Variants in ODAD4 observed in about 807,000 individuals in gnomAD.
The protein encoded by ODAD4 is outer dynein arm-docking complex subunit 4.
ODAD4 carries 49 observed loss-of-function variants against 51.8 expected under a neutral mutation model. That is an observed-to-expected ratio of 0.95 (90% confidence interval 0.75 to 1.20). ODAD4 has a LOEUF of 1.20. Among genes scored for constraint, ODAD4 ranks in the 50% most tolerant of loss-of-function variants. The probability of loss-of-function intolerance (pLI) is 0.00; values close to 1 mark genes in which losing one functional copy is unlikely to be tolerated. For missense variants in ODAD4, 590 were observed against 586.5 expected (o/e 1.01, Z -0.06); for synonymous variants, 235 against 221.3 (o/e 1.06, Z -0.55).
chr17:41,940,255 C>T (rs1462797012), intron 7 of ODAD4, among the ~76,000 whole-genome samples: 1 of 152,168 alleles, frequency 6.6e-6, no homozygotes, highest in African/African-American at 2.4e-5. Flanking sequence ...CTCTCCAGCT[C>T]CTCCCACAAA....
At position 41,965,012 on chromosome 17, in the gene ODAD4, T is replaced by C. The variant is rs1555642318; in HGVS notation, c.1548T>C (p.Asp516=). The C allele has an allele frequency of 2.8e-6, 2 of 713,432 alleles. No homozygotes were observed. The highest frequency in any genetic ancestry group is 2.7e-5 in the East Asian group (1 of 37,510). 44.2% of individuals were successfully genotyped at this position (713,432 alleles called of 1,614,324 possible). ...KSEGEASLYE[D]RIITREKDMR... ...TTTCAGAAGCTTCACTGTATGAAGA[T>C]AGAATAATAACAAGAGAGAAGGACA... Residue 516 remains aspartate (D), a synonymous_variant, in exon 12 of 12, where the codon GAT becomes GAC. Coordinates refer to ENST00000377540, the MANE Select transcript of ODAD4 (RefSeq NM_031421.5).
chr17:41,935,143 T>G, intron 1 of ODAD4, 74 bp from the exon 2 acceptor site: 1 of 1,581,844 alleles, frequency 6.3e-7, no homozygotes, highest in Non-Finnish European at 8.6e-7. Flanking sequence ...CAGGAGGGTT[T>G]GGGCTGCCCT....
chr17:41,952,645 G>A (rs1555640354), intron 9 of ODAD4: 2 of 513,016 alleles, frequency 3.9e-6, no homozygotes, highest in Non-Finnish European at 7.8e-6. Flanking sequence ...GACCTTTAAT[G>A]TCAGAGTCCC....
chr17:41,936,811 C>T lies in ODAD4; in HGVS notation c.509C>T (p.Pro170Leu), dbSNP rs782169506. Reference sequence around the variant, plus strand: ...CAGCCCATGAAACACCTCTTACACCCCACCAAGGGAGAGCCCAAGTGGAAG... The same window carrying T: ...CAGCCCATGAAACACCTCTTACACCTCACCAAGGGAGAGCCCAAGTGGAAG... ...KPQPMKHLLH[P>L]TKGEPKWKAS... The change falls in exon 5 of 12, where the codon CCC becomes CTC. Residue 170 changes from proline (P) to leucine (L), a missense_variant. Pro to Leu is a moderately conservative substitution (Grantham distance 98). Around this residue, in one of 3 missense-constraint regions of ODAD4, gnomAD observed 360 missense variants for 407.5 expected, o/e 0.88. Transcript: ENST00000377540. The T allele has an allele frequency of 6.2e-7, 1 of 1,613,952 alleles. No individual in the cohort carries two copies. The highest frequency in any genetic ancestry group is 8.5e-7 in the Non-Finnish European group (1 of 1,179,880).
In ODAD4 at chr17:41,932,309, T is replaced by TC. The variant is rs376820757; in HGVS notation, c.114+1480dup. Among the ~76,000 whole-genome samples, 664 of 150,816 alleles carry TC rather than the reference T, an allele frequency of 4.4e-3. 3 individuals are homozygous for TC. Among genetic ancestry groups the TC allele is most frequent in the African/African-American group, 0.01 (420 of 41,052 alleles). ...ATCTCGAACTCCCCACCTCAGGTGA[T>TC]CCCCCCCCACCTCAGCCTCCCAAAG... On this transcript the variant is annotated intron_variant, in intron 1 of 11. Coordinates refer to ENST00000377540, the MANE Select transcript of ODAD4 (RefSeq NM_031421.5).
At chr17:41,956,051 T>TA (rs1213691025) in intron 10 of ODAD4, among the ~76,000 whole-genome samples, 1 of 148,670 alleles carries the variant, frequency 6.7e-6, no homozygotes, top group Non-Finnish European at 1.5e-5. Flanking sequence ...ACTTAGCTTT[T>TA]TTTTTTTTTT....
chr17:41,944,444 ACCCCCC>A (rs10578034), intron 7 of ODAD4, among the ~76,000 whole-genome samples: 6 of 19,498 alleles, frequency 3.1e-4, no homozygotes, highest in African/African-American at 5.5e-4. Flanking sequence ...ACACACACAC[ACCCCCC>A]CGCATACACA....
chr17:41,957,375 C>A (rs1195216152), intron 10 of ODAD4, among the ~76,000 whole-genome samples: 1 of 152,102 alleles, frequency 6.6e-6, no homozygotes, highest in South Asian at 2.1e-4. Context: ...CCTCACGTGC[C>A]GTTCACAATC....
chr17:41,949,968 C>G (rs2050632309), intron 9 of ODAD4, among the ~76,000 whole-genome samples: 1 of 151,902 alleles, frequency 6.6e-6, no homozygotes, highest in African/African-American at 2.4e-5. Flanking sequence ...GCCACCATGC[C>G]CGGCCCTGTT....
Position 41,953,024 on chromosome 17 carries a change from G to A in ODAD4, c.1343-2193G>A, listed in dbSNP as rs192751485. Among the ~76,000 whole-genome samples the A allele has an allele frequency of 7.8e-4, 118 of 152,090 alleles. 1 individual carries two copies. The highest frequency in any genetic ancestry group is 2.7e-3 in the African/African-American group (113 of 41,530). ...AATGCTGGGATTACAGGCATGAGCC[G>A]CTGTGTCTAGCCAAGTGTAATGGCG... On this transcript the variant is annotated intron_variant, in intron 9 of 11. Transcript: ENST00000377540.
At chr17:41,938,470 C>A in intron 5 of ODAD4, 87 bp from the exon 6 acceptor site, 2 of 1,067,364 alleles carry the variant, frequency 1.9e-6, no homozygotes, top group Non-Finnish European at 2.8e-6. Flanking sequence ...TCACAGAGGG[C>A]CCTGCAGCGG....
chr17:41,947,145 C>T (rs931081383), intron 8 of ODAD4, among the ~76,000 whole-genome samples: 6 of 150,392 alleles, frequency 4.0e-5, no homozygotes, highest in Admixed American at 3.3e-4. Context: ...CCACTGTGCC[C>T]GGGTGTGCAT....
chr17:41,935,577 A>G (rs1555637631), intron 2 of ODAD4, 22 bp from the exon 3 acceptor site: 1 of 1,604,124 alleles, frequency 6.2e-7, no homozygotes, highest in Admixed American at 1.7e-5. Context: ...GTTCACATTG[A>G]TTTGATTTCC....
At chr17:41,957,225 A>T (rs1007351718) in intron 10 of ODAD4, among the ~76,000 whole-genome samples, 1 of 152,156 alleles carries the variant, frequency 6.6e-6, no homozygotes, top group Non-Finnish European at 1.5e-5. Context: ...GCAGTCCCCA[A>T]GCTTTTTGGC....
chr17:41,964,943 T>G, intron 11 of ODAD4, 50 bp from the exon 12 acceptor site: 1 of 656,564 alleles, frequency 1.5e-6, no homozygotes, highest in South Asian at 1.8e-5. Flanking sequence ...GCACCCGGCC[T>G]GACATGAACA....
intron 11 of ODAD4, among the ~76,000 whole-genome samples, chr17:41,962,006 A>G (rs2050811652): frequency 5.9e-5 from 9 of 152,194 alleles, no homozygotes; most frequent in Admixed American, 5.9e-4. Flanking sequence ...GAGAAGTGGG[A>G]GAAGAAAGGC....
At chr17:41,934,405 G>A (rs1317202781) in intron 1 of ODAD4, among the ~76,000 whole-genome samples, 1 of 83,204 alleles carries the variant, frequency 1.2e-5, no homozygotes, top group East Asian at 4.5e-4. Flanking sequence ...AGGCTGGAGT[G>A]CAGTGGTGTG....
chr17:41,956,202 C>A (rs1392583299), intron 10 of ODAD4, among the ~76,000 whole-genome samples: 2 of 151,898 alleles, frequency 1.3e-5, no homozygotes, highest in Non-Finnish European at 2.9e-5. Flanking sequence ...CGCCCCCCCA[C>A]CACGCCCAGC....
At chr17:41,963,959 C>T (rs1192285745) in intron 11 of ODAD4, among the ~76,000 whole-genome samples, 2 of 151,594 alleles carry the variant, frequency 1.3e-5, no homozygotes, top group Non-Finnish European at 2.9e-5. Flanking sequence ...TGCAGTGGCG[C>T]GATCTCGGCT....
Sources: gnomAD v4.1 joint callset for allele counts (sites outside exome capture counted in the v4.1 genomes callset) on GRCh38, gnomAD v4.1.1 for gene constraint, gnomAD v4.1.1 regional missense constraint, MANE v1.5 for transcripts, NCBI Gene and HGNC (gene_info 2026-07-23, HGNC 2026-07-21) for gene names.